FAF1: variants seen among roughly 807,000 people sequenced by gnomAD.
The protein encoded by FAF1 is Fas associated factor 1.
A neutral mutation model predicts 92.5 loss-of-function variants in FAF1; 25 were observed. The observed-to-expected ratio is 0.27, with a 90% confidence interval of 0.20 to 0.38. FAF1 has a LOEUF of 0.38. Ranked by LOEUF, FAF1 falls within the 10% of genes least tolerant of loss-of-function variation. The pLI, the probability that FAF1 is intolerant of heterozygous loss-of-function variation, is 1.00. For missense variants in FAF1, 636 were observed against 793.3 expected, an observed-to-expected ratio of 0.80 and a Z score of 2.38; for synonymous variants, 234 against 273.2, an observed-to-expected ratio of 0.86 and a Z score of 1.42.
intron 1 of FAF1, among the ~76,000 whole-genome samples, chr1:50,888,617 G>A (rs184380746): frequency 1.3e-5 from 2 of 151,506 alleles, no homozygotes; most frequent in Non-Finnish European, 3.0e-5. Flanking sequence ...GGCCTTTTCT[G>A]CATCGATTAG....
At chr1:50,845,462 G>C (rs1369714800) in intron 2 of FAF1, among the ~76,000 whole-genome samples, 1 of 152,134 alleles carries the variant, frequency 6.6e-6, no homozygotes, top group Non-Finnish European at 1.5e-5. Flanking sequence ...TGTGGTTAGA[G>C]GGTTCGCACC....
intron 7 of FAF1, among the ~76,000 whole-genome samples, chr1:50,669,109 C>A (rs182017912): frequency 6.6e-6 from 1 of 152,244 alleles, no homozygotes; most frequent in Admixed American, 6.5e-5. Flanking sequence ...GACTCAGTGA[C>A]CCTACACTAA....
intron 8 of FAF1, among the ~76,000 whole-genome samples, chr1:50,633,450 G>A (rs114802191): frequency 0.013 from 1,977 of 152,238 alleles, 42 homozygotes; most frequent in African/African-American, 0.044. Context: ...AAATCCCAAG[G>A]GGAGCAGTCC....
chr1:50,730,338 CT>C (rs1241093871), intron 6 of FAF1, among the ~76,000 whole-genome samples: 2 of 151,810 alleles, frequency 1.3e-5, no homozygotes, highest in Admixed American at 6.6e-5. Context: ...TTAAAAATCT[CT>C]TCTTAATCTG....
At chr1:50,778,462 C>T (rs1661041845) in intron 4 of FAF1, among the ~76,000 whole-genome samples, 1 of 152,112 alleles carries the variant, frequency 6.6e-6, no homozygotes, top group Non-Finnish European at 1.5e-5. Context: ...TCTCCAAAAA[C>T]TTACTAATAG....
intron 18 of FAF1, among the ~76,000 whole-genome samples, chr1:50,465,131 G>C (rs1342421461): frequency 6.6e-6 from 1 of 152,164 alleles, no homozygotes; most frequent in Non-Finnish European, 1.5e-5. Context: ...TCACATTTAA[G>C]TGCCAGCTCT....
In FAF1 at chr1:50,687,577, C is replaced by G. The variant is rs1325830838; in HGVS notation, c.657+18209G>C. Among the ~76,000 whole-genome samples the G allele has an allele frequency of 1.4e-4, 21 of 151,948 alleles. 1 individual carries two copies. The highest frequency in any genetic ancestry group is 1.4e-3 in the Admixed American group (21 of 15,256). ...CCAGCCTGGCCAACAAGGTGAAACC[C>G]CGTCTCTACTAAAAATACAAAAATT... On this transcript the variant is annotated intron_variant, in intron 7 of 18. Transcript: ENST00000396153.
chr1:50,688,029 G>A (rs1656749060), intron 7 of FAF1, among the ~76,000 whole-genome samples: 1 of 151,902 alleles, frequency 6.6e-6, no homozygotes, highest in African/African-American at 2.4e-5. Context: ...CAGCTACTCG[G>A]GAGGCTGAGG....
intron 8 of FAF1, among the ~76,000 whole-genome samples, chr1:50,627,933 A>G (rs1223248932): frequency 6.6e-6 from 1 of 152,212 alleles, no homozygotes; most frequent in Non-Finnish European, 1.5e-5. Context: ...AAGAAAAGCT[A>G]TTCTGGTGGA....
intron 8 of FAF1, among the ~76,000 whole-genome samples, chr1:50,603,930 T>C (rs1355111649): frequency 6.6e-6 from 1 of 152,232 alleles, no homozygotes; most frequent in East Asian, 1.9e-4. Context: ...CAAAAAACTG[T>C]GTTCTCTGCC....
At chr1:50,801,744 C>G in intron 2 of FAF1, 67 bp from the exon 3 acceptor site, 1 of 878,616 alleles carries the variant, frequency 1.1e-6, no homozygotes, top group Non-Finnish European at 1.9e-6. Context: ...GTGGAGAACA[C>G]TTTAAAAGGA....
intron 18 of FAF1, among the ~76,000 whole-genome samples, chr1:50,465,597 AC>A (rs1209943483): frequency 3.3e-5 from 5 of 152,320 alleles, no homozygotes; most frequent in African/African-American, 1.2e-4. Flanking sequence ...ACAGTAAACA[AC>A]TATATACCTA....
chr1:50,657,870 T>C (rs1167181723), intron 7 of FAF1, among the ~76,000 whole-genome samples: 1 of 152,240 alleles, frequency 6.6e-6, no homozygotes, highest in Non-Finnish European at 1.5e-5. Flanking sequence ...GGGGAATGGC[T>C]TGATCTGTAC....
At chr1:50,447,188 C>T (rs930924291) in intron 18 of FAF1, among the ~76,000 whole-genome samples, 1 of 142,928 alleles carries the variant, frequency 7.0e-6, no homozygotes, top group South Asian at 2.2e-4. Context: ...TGCAGGGGCA[C>T]GATCTCGGCT....
chr1:50,630,993 G>T (rs979228963), intron 8 of FAF1, among the ~76,000 whole-genome samples: 30 of 151,702 alleles, frequency 2.0e-4, no homozygotes, highest in African/African-American at 7.3e-4. Context: ...AGTAGAGATG[G>T]GGTTTCACCA....
chr1:50,456,021 G>A (rs537227162), intron 18 of FAF1, among the ~76,000 whole-genome samples: 28 of 152,192 alleles, frequency 1.8e-4, no homozygotes, highest in South Asian at 1.5e-3. Flanking sequence ...ATGGCAGTGA[G>A]CTGAGATGGC....
At chr1:50,711,700 C>T (rs569285100) in intron 6 of FAF1, among the ~76,000 whole-genome samples, 72 of 152,138 alleles carry the variant, frequency 4.7e-4, no homozygotes, top group African/African-American at 1.7e-3. Context: ...CTCCTGACCT[C>T]GTGATCTGCC....
chr1:50,680,815 A>G (rs537985483), intron 7 of FAF1, among the ~76,000 whole-genome samples: 1 of 152,310 alleles, frequency 6.6e-6, no homozygotes, highest in Non-Finnish European at 1.5e-5. Context: ...ACAAATGGTC[A>G]GAATTTCGAG....
chr1:50,485,246 C>T (rs959923580), intron 17 of FAF1, among the ~76,000 whole-genome samples: 2 of 151,880 alleles, frequency 1.3e-5, no homozygotes, highest in African/African-American at 4.8e-5. Flanking sequence ...CAGGTATGTG[C>T]CACTGTGTTT....
Sources: gnomAD v4.1 joint callset for allele counts (sites outside exome capture counted in the v4.1 genomes callset) on GRCh38, gnomAD v4.1.1 for gene constraint, MANE v1.5 for transcripts, NCBI Gene and HGNC (gene_info 2026-07-23, HGNC 2026-07-21) for gene names.